The following WWOX variants were observed in gnomAD, a reference collection of about 807,000 sequenced individuals.
WWOX encodes WW domain-containing oxidoreductase.
A neutral mutation model predicts 46.2 loss-of-function variants in WWOX; 69 were observed. The observed-to-expected ratio is 1.49, with a 90% CI of 1.23 to 1.82. The LOEUF (loss-of-function observed/expected upper bound fraction) is 1.82. Among genes scored for constraint, WWOX ranks in the 40% most tolerant of loss-of-function variants. WWOX has a pLI of 0.00. For missense variants in WWOX, 919 were observed against 542.6 expected (o/e 1.69, Z -6.89); for synonymous variants, 359 against 202.6 (o/e 1.77, Z -6.56).
intron 8 of WWOX, among the ~76,000 whole-genome samples, chr16:79,057,081 G>C (rs538569111): frequency 2.0e-5 from 3 of 152,340 alleles, no homozygotes; most frequent in Non-Finnish European, 2.9e-5. Context: ...GGCCTGAATT[G>C]AAGAGCTTAA....
Position 78,099,671 on chromosome 16 carries a change from G to A in WWOX, c.-108G>A. 1 of 1,375,940 alleles carries A rather than the reference G, an allele frequency of 7.3e-7. No homozygotes were observed. The highest frequency in any genetic ancestry group is 1.5e-5 in the African/African-American group (1 of 66,756). The allele number at this position is 1,375,940 out of a possible 1,614,324, so 85.2% of individuals were successfully genotyped here. ...TGGAGGGCGCAGTGCGCAGGCGTGA[G>A]CGGTCGGGCCCCGACGCGCGCGGGT... On this transcript the variant is annotated 5_prime_UTR_variant, in exon 1 of 9. Coordinates refer to ENST00000566780, the MANE Select transcript of WWOX (RefSeq NM_016373.4).
At chr16:78,961,782 C>T (rs924701505) in intron 8 of WWOX, among the ~76,000 whole-genome samples, 1 of 152,132 alleles carries the variant, frequency 6.6e-6, no homozygotes. Flanking sequence ...ACAAGTACCT[C>T]AGGTTATCAT....
At chr16:78,952,721 C>G (rs761752612) in intron 8 of WWOX, among the ~76,000 whole-genome samples, 1 of 152,144 alleles carries the variant, frequency 6.6e-6, no homozygotes, top group Non-Finnish European at 1.5e-5. Flanking sequence ...ATTTTTCCCA[C>G]CTGACAGTAC....
chr16:78,905,593 C>G (rs2044941657), intron 8 of WWOX, among the ~76,000 whole-genome samples: 1 of 152,058 alleles, frequency 6.6e-6, no homozygotes, highest in East Asian at 1.9e-4. Context: ...ATTGACCAGG[C>G]CGGACTCAAA....
At chr16:78,591,690 T>C (rs2045355735) in intron 8 of WWOX, among the ~76,000 whole-genome samples, 1 of 152,200 alleles carries the variant, frequency 6.6e-6, no homozygotes, top group Non-Finnish European at 1.5e-5. Flanking sequence ...TGTTTCCTGT[T>C]ACAGGGAGAA....
intron 8 of WWOX, among the ~76,000 whole-genome samples, chr16:78,514,725 G>C (rs976456067): frequency 1.3e-5 from 2 of 152,154 alleles, no homozygotes; most frequent in Non-Finnish European, 2.9e-5. Context: ...AGTATGTACA[G>C]GGTGGTTTTC....
intron 3 of WWOX, among the ~76,000 whole-genome samples, chr16:78,113,504 C>A (rs2032610272): frequency 6.6e-6 from 1 of 152,188 alleles, no homozygotes. Context: ...TTGGCCAGCT[C>A]CTGGTCTAAT....
intron 8 of WWOX, among the ~76,000 whole-genome samples, chr16:78,983,279 G>T (rs115546992): frequency 0.014 from 2,123 of 152,280 alleles, 63 homozygotes; most frequent in African/African-American, 0.049. Context: ...GAAGTGTCTG[G>T]CCAAGAAGCT....
intron 8 of WWOX, among the ~76,000 whole-genome samples, chr16:78,759,687 A>T (rs1043471229): frequency 9.2e-5 from 14 of 152,210 alleles, no homozygotes; most frequent in Admixed American, 3.3e-4. Flanking sequence ...TGAACATGAG[A>T]CTGTATGCTC....
intron 8 of WWOX, among the ~76,000 whole-genome samples, chr16:78,906,454 C>A (rs753279074): frequency 2.0e-5 from 3 of 152,270 alleles, no homozygotes; most frequent in South Asian, 4.2e-4. Flanking sequence ...TCCCAGGAGC[C>A]CTGTCATCAG....
At chr16:79,093,972 C>G (rs1301508984) in intron 8 of WWOX, among the ~76,000 whole-genome samples, 1 of 152,128 alleles carries the variant, frequency 6.6e-6, no homozygotes, top group Non-Finnish European at 1.5e-5. Flanking sequence ...GTGTCATATA[C>G]CACTTCCACA....
chr16:78,109,187 A>C (rs1156612750), intron 2 of WWOX, among the ~76,000 whole-genome samples: 1 of 152,204 alleles, frequency 6.6e-6, no homozygotes, highest in African/African-American at 2.4e-5. Flanking sequence ...TGATCCACGG[A>C]ATAGAAGTAT....
At chr16:78,215,005 T>C (rs887299284) in intron 5 of WWOX, among the ~76,000 whole-genome samples, 1 of 152,194 alleles carries the variant, frequency 6.6e-6, no homozygotes, top group African/African-American at 2.4e-5. Context: ...TTGTCTTTGC[T>C]GTTTAGCCAA....
intron 8 of WWOX, among the ~76,000 whole-genome samples, chr16:78,993,750 A>C (rs755381925): frequency 1.1e-4 from 16 of 152,108 alleles, no homozygotes; most frequent in Non-Finnish European, 4.4e-5. Context: ...TATATAACAC[A>C]CTCGCCAGAC....
At chr16:79,151,832 G>C (rs1168504312) in intron 8 of WWOX, among the ~76,000 whole-genome samples, 1 of 152,186 alleles carries the variant, frequency 6.6e-6, no homozygotes, top group Non-Finnish European at 1.5e-5. Flanking sequence ...CAGTGTTGAA[G>C]TTTTGACGCT....
At chr16:79,199,684 A>G (rs952691843) in intron 8 of WWOX, among the ~76,000 whole-genome samples, 16 of 152,090 alleles carry the variant, frequency 1.1e-4, no homozygotes, top group African/African-American at 3.6e-4. Context: ...TCATACATGA[A>G]GAGGACTGCC....
At chr16:78,296,446 C>T (rs114633587) in intron 5 of WWOX, among the ~76,000 whole-genome samples, 1,990 of 151,456 alleles carry the variant, frequency 0.013, 48 homozygotes, top group African/African-American at 0.046. Context: ...TTTATATTGG[C>T]GCCTTCGATG....
chr16:78,760,801 A>AGTCTTGGG (rs2049773571), intron 8 of WWOX, among the ~76,000 whole-genome samples: 1 of 152,188 alleles, frequency 6.6e-6, no homozygotes, highest in Non-Finnish European at 1.5e-5. Flanking sequence ...TGATAAAGAC[A>AGTCTTGGG]TACCCAAGAC....
intron 8 of WWOX, among the ~76,000 whole-genome samples, chr16:78,469,856 A>T (rs980325127): frequency 3.9e-5 from 6 of 152,232 alleles, no homozygotes; most frequent in African/African-American, 1.4e-4. Flanking sequence ...TTTGCTAAAC[A>T]GATCTAAGAC....
Sources: allele counts gnomAD v4.1 joint callset (sites outside exome capture counted in the v4.1 genomes callset), GRCh38; gene constraint gnomAD v4.1.1; transcripts MANE v1.5; gene names NCBI Gene and HGNC (gene_info 2026-07-23, HGNC 2026-07-21).